PPP6R2: variants seen among roughly 807,000 people sequenced by gnomAD.
PPP6R2 encodes the protein protein phosphatase 6 regulatory subunit 2, also known as serine/threonine-protein phosphatase 6 regulatory subunit 2.
Under a neutral mutation model 100.2 loss-of-function variants are expected in PPP6R2, and 62 were observed. The observed-to-expected ratio is 0.62, with a 90% CI of 0.50 to 0.76. PPP6R2 has a LOEUF of 0.76. Among genes scored for constraint, PPP6R2 ranks in the 30% least tolerant of loss-of-function variants. The pLI is 0.00. For synonymous variants in PPP6R2, 525 were observed against 514.7 expected (o/e 1.02, Z -0.27); for missense variants, 1,142 against 1,276.3 (o/e 0.89, Z 1.60).
At chr22:50,424,958 G>C (rs566628349) in intron 10 of PPP6R2, among the ~76,000 whole-genome samples, 1 of 152,290 alleles carries the variant, frequency 6.6e-6, no homozygotes, top group African/African-American at 2.4e-5. Context: ...TTCTTCAAAA[G>C]AATTCTGTCT....
intron 6 of PPP6R2, 112 bp downstream of exon 6, chr22:50,416,269 G>T (rs1286772282): frequency 1.1e-6 from 1 of 917,962 alleles, no homozygotes; most frequent in Non-Finnish European, 1.7e-6. Flanking sequence ...TTCCTAAGAT[G>T]AGGATCGGTT....
chr22:50,342,936 G>A (rs1445484875), upstream of PPP6R2, among the ~76,000 whole-genome samples: 1 of 152,180 alleles, frequency 6.6e-6, no homozygotes, highest in East Asian at 1.9e-4. Flanking sequence ...GCCTGTGGCA[G>A]GAGGGAGGCC....
In PPP6R2 at chr22:50,373,600, G is replaced by A. The variant is rs890254409; in HGVS notation, c.-17+1450G>A. Among the ~76,000 whole-genome samples, 12 of 151,840 alleles carry A rather than the reference G, an allele frequency of 7.9e-5. 1 individual carries two copies. Among genetic ancestry groups the A allele is most frequent in the Admixed American group, 7.9e-4 (12 of 15,204 alleles). On this transcript the variant is annotated intron_variant, in intron 2 of 23. Coordinates refer to ENST00000612753, the MANE Select transcript of PPP6R2 (RefSeq NM_001242898.2). ...AAGGTCTCACTTTGTCACCCAGGCTGGAGTGCAGTGGTGTGATCATAGCTC... is the reference window on the plus strand; with the variant it reads ...AAGGTCTCACTTTGTCACCCAGGCTAGAGTGCAGTGGTGTGATCATAGCTC...
At chr22:50,340,219 G>GGT (rs2042356843), upstream of PPP6R2, among the ~76,000 whole-genome samples, 1 of 115,602 alleles carries the variant, frequency 8.7e-6, no homozygotes, top group Non-Finnish European at 1.9e-5. Flanking sequence ...TGTGGTATGT[G>GGT]GTGTGTATGG....
the PPP6R2 span, among the ~76,000 whole-genome samples, chr22:50,338,285 T>TTGTGGTGTGTAGTGTGGTGTGTG: frequency 6.7e-3 from 729 of 108,782 alleles, 10 homozygotes; most frequent in African/African-American, 0.027. Flanking sequence ...TGTGGTGTGT[T>TTGTGGTGTGTAGTGTGGTGTGTG]TGTGGTGTGT....
the PPP6R2 span, among the ~76,000 whole-genome samples, chr22:50,333,008 C>A: frequency 6.6e-6 from 1 of 151,934 alleles, no homozygotes; most frequent in Non-Finnish European, 1.5e-5. Flanking sequence ...GACTTAGGAG[C>A]GAGGTGTGGT....
chr22:50,392,408 C>T (rs1365576994), intron 2 of PPP6R2, among the ~76,000 whole-genome samples: 1 of 152,116 alleles, frequency 6.6e-6, no homozygotes, highest in Non-Finnish European at 1.5e-5. Context: ...ATATGGAGTC[C>T]CTTGTGCTGA....
At position 50,439,973 on chromosome 22, in the gene PPP6R2, G is replaced by A; in HGVS notation, c.2298G>A (p.Gly766=). 6.2e-7 allele frequency: 1 copy of A among 1,613,606 alleles called. No individual in the cohort carries two copies. ...TCCTTGTATGCAGCTCCGAGTCAGG[G>A]CCCAGGTGCAGCTCTCCGGTGGACA... The part of the protein sequence containing the change: ...DFQPFCCSES[G]PRCSSPVDTE... Residue 766 remains glycine, a synonymous_variant, in exon 21 of 24, where the codon GGG becomes GGA. Transcript: ENST00000612753.
At chr22:50,376,652 G>C (rs2051628871) in intron 2 of PPP6R2, among the ~76,000 whole-genome samples, 1 of 151,740 alleles carries the variant, frequency 6.6e-6, no homozygotes, top group Non-Finnish European at 1.5e-5. Context: ...TTGAATTCCT[G>C]GCTTTAAGCA....
chr22:50,387,551 C>T (rs1303640888), intron 2 of PPP6R2, among the ~76,000 whole-genome samples: 9 of 152,044 alleles, frequency 5.9e-5, no homozygotes, highest in African/African-American at 1.7e-4. Context: ...CATTTTTTTC[C>T]GGGCCAAATG....
chr22:50,348,532 C>T (rs1187069130), intron 1 of PPP6R2, among the ~76,000 whole-genome samples: 1 of 152,108 alleles, frequency 6.6e-6, no homozygotes, highest in Non-Finnish European at 1.5e-5. Context: ...GATAGTAGCA[C>T]TGTTTATTGA....
chr22:50,411,410 G>A lies in PPP6R2; in HGVS notation c.415-3142G>A, dbSNP rs551450589. Among the ~76,000 whole-genome samples the A allele has an allele frequency of 2.7e-5, 4 of 149,844 alleles. 1 individual carries two copies. The highest frequency in any genetic ancestry group is 9.8e-5 in the African/African-American group (4 of 40,732). On this transcript the variant is annotated intron_variant, in intron 4 of 23. Transcript: ENST00000612753. ...CGGAGGTTGCAGTGAGCCAAGATTG[G>A]GCCACTGCACTCCAGCCTAGGTAAC...
intron 12 of PPP6R2, 102 bp from the exon 13 acceptor site, chr22:50,434,864 C>T: frequency 9.6e-7 from 1 of 1,044,408 alleles, no homozygotes; most frequent in Non-Finnish European, 1.4e-6. Context: ...GGCACTTGCT[C>T]TCCGAAGTGA....
chr22:50,437,407 C>A, intron 15 of PPP6R2, 99 bp from the exon 16 acceptor site: 2 of 830,490 alleles, frequency 2.4e-6, no homozygotes, highest in Non-Finnish European at 4.0e-6. Flanking sequence ...AGCTCCCGAA[C>A]AACTAGAGAG....
chr22:50,399,237 A>G (rs1366986467), intron 3 of PPP6R2, among the ~76,000 whole-genome samples: 1 of 152,236 alleles, frequency 6.6e-6, no homozygotes, highest in Non-Finnish European at 1.5e-5. Context: ...ATAAATATAT[A>G]TGTAGACCAG....
At chr22:50,347,454 T>A (rs2044044968) in intron 1 of PPP6R2, among the ~76,000 whole-genome samples, 1 of 152,088 alleles carries the variant, frequency 6.6e-6, no homozygotes, top group Admixed American at 6.6e-5. Context: ...AACCTCACCT[T>A]ACCCCGCACT....
chr22:50,342,574 T>G (rs2042526713), upstream of PPP6R2, among the ~76,000 whole-genome samples: 1 of 152,166 alleles, frequency 6.6e-6, no homozygotes, highest in Non-Finnish European at 1.5e-5. Context: ...AGAGCATCGG[T>G]GAATCCTGGG....
At chr22:50,334,123 G>A in the PPP6R2 span, among the ~76,000 whole-genome samples, 11 of 152,270 alleles carry the variant, frequency 7.2e-5, no homozygotes, top group African/African-American at 1.9e-4. Flanking sequence ...GAGCGTGACC[G>A]CTGAAGCACA....
intron 22 of PPP6R2, 134 bp downstream of exon 22, chr22:50,441,160 C>T: frequency 1.2e-6 from 1 of 811,520 alleles, no homozygotes; most frequent in Non-Finnish European, 1.9e-6. Flanking sequence ...TCCCCCATGG[C>T]CCCGTGACCC....
Sources: gnomAD v4.1 joint callset for allele counts (sites outside exome capture counted in the v4.1 genomes callset) on GRCh38, gnomAD v4.1.1 for gene constraint, MANE v1.5 for transcripts, NCBI Gene and HGNC (gene_info 2026-07-23, HGNC 2026-07-21) for gene names.